RBFOX1: variants seen among roughly 807,000 people sequenced by gnomAD.
RBFOX1 encodes RNA binding fox-1 homolog 1.
RBFOX1 carries 8 observed loss-of-function variants against 57.7 expected under a neutral mutation model. The ratio of observed to expected loss-of-function variants is 0.14; its 90% CI spans 0.08 to 0.25. The LOEUF (loss-of-function observed/expected upper bound fraction) is 0.25, where lower values mean the gene tolerates loss of function less well. Among genes scored for constraint, RBFOX1 ranks in the 10% least tolerant of loss-of-function variants. RBFOX1 has a pLI of 1.00. For synonymous variants in RBFOX1, 326 were observed against 222.4 expected (o/e 1.47, Z -4.15); for missense variants, 611 against 548.5 (o/e 1.11, Z -1.14).
chr16:5,505,920 T>C (rs756779602), intron 2 of RBFOX1, among the ~76,000 whole-genome samples: 1 of 152,124 alleles, frequency 6.6e-6, no homozygotes, highest in Non-Finnish European at 1.5e-5. Flanking sequence ...CTTCCATCCC[T>C]GCTCAAAATC....
intron 2 of RBFOX1, among the ~76,000 whole-genome samples, chr16:6,617,043 G>A (rs1035446646): frequency 2.6e-5 from 4 of 152,068 alleles, no homozygotes. Flanking sequence ...TTGATTACCG[G>A]TATACAGTGT....
intron 3 of RBFOX1, among the ~76,000 whole-genome samples, chr16:6,707,087 C>A (rs2062883127): frequency 6.6e-6 from 1 of 152,194 alleles, no homozygotes; most frequent in South Asian, 2.1e-4. Context: ...TCTTTCCAGA[C>A]TTCCATGCAC....
At chr16:7,183,700 T>C (rs868252194) in intron 4 of RBFOX1, among the ~76,000 whole-genome samples, 6 of 152,156 alleles carry the variant, frequency 3.9e-5, no homozygotes, top group Admixed American at 2.0e-4. Flanking sequence ...TAGGAAGAGT[T>C]GACTCACACT....
At chr16:7,645,362 A>T (rs2063551623) in intron 11 of RBFOX1, among the ~76,000 whole-genome samples, 1 of 152,160 alleles carries the variant, frequency 6.6e-6, no homozygotes, top group African/African-American at 2.4e-5. Flanking sequence ...ATTAATCACT[A>T]ATCACCCACC....
At chr16:6,049,826 G>A (rs759926838) in intron 1 of RBFOX1, among the ~76,000 whole-genome samples, 4 of 151,802 alleles carry the variant, frequency 2.6e-5, no homozygotes, top group Non-Finnish European at 4.4e-5. Context: ...CTTCCCAGTG[G>A]TACACTTCCT....
At chr16:6,857,917 C>T (rs553658491) in intron 3 of RBFOX1, among the ~76,000 whole-genome samples, 20 of 152,268 alleles carry the variant, frequency 1.3e-4, no homozygotes, top group Non-Finnish European at 2.2e-4. Flanking sequence ...GAAGTCATTG[C>T]ATTTACTTTA....
At chr16:6,680,449 G>C (rs907554506) in intron 3 of RBFOX1, among the ~76,000 whole-genome samples, 2 of 151,846 alleles carry the variant, frequency 1.3e-5, no homozygotes, top group Non-Finnish European at 2.9e-5. Context: ...ATTTTTAGTA[G>C]AGACGAGGTT....
chr16:7,091,269 T>C (rs1434333632), intron 4 of RBFOX1, among the ~76,000 whole-genome samples: 2 of 82,314 alleles, frequency 2.4e-5, no homozygotes, highest in African/African-American at 5.2e-5. Context: ...TTAACTTTAC[T>C]TTTTTTTTTT....
At chr16:7,250,276 A>G (rs1029979471) in intron 4 of RBFOX1, among the ~76,000 whole-genome samples, 5 of 152,250 alleles carry the variant, frequency 3.3e-5, no homozygotes, top group African/African-American at 1.2e-4. Context: ...ATAACACTGA[A>G]GAGTAAAACA....
intron 2 of RBFOX1, among the ~76,000 whole-genome samples, chr16:5,482,003 A>G (rs8060703): frequency 0.069 from 10,454 of 152,250 alleles, 720 homozygotes; most frequent in African/African-American, 0.18. Flanking sequence ...TTGAACACAC[A>G]AATTTTGGAG....
intron 4 of RBFOX1, among the ~76,000 whole-genome samples, chr16:7,452,323 C>A (rs2098875009): frequency 6.6e-6 from 1 of 152,132 alleles, no homozygotes; most frequent in African/African-American, 2.4e-5. Context: ...ATGAGTCAGC[C>A]CGCGTTAGCG....
At chr16:6,366,254 G>T (rs1023852299) in intron 2 of RBFOX1, among the ~76,000 whole-genome samples, 4 of 151,938 alleles carry the variant, frequency 2.6e-5, no homozygotes, top group African/African-American at 9.7e-5. Flanking sequence ...TATCTGGAAG[G>T]TATATATCTT....
intron 3 of RBFOX1, among the ~76,000 whole-genome samples, chr16:7,029,077 T>TAC (rs1287582159): frequency 6.7e-5 from 3 of 44,566 alleles, no homozygotes; most frequent in African/African-American, 5.2e-4. Flanking sequence ...TATATATATA[T>TAC]ATATACACAC....
In RBFOX1 at chr16:7,140,815, T is replaced by C. The variant is rs74009244; in HGVS notation, c.27+88717T>C. ...GTTTCCTTGGTATGCTCATAATGGA[T>C]TTCAAAGATCCACACCTCTTGGCGG... On this transcript the variant is annotated intron_variant, in intron 4 of 15. Transcript: ENST00000550418. Among the ~76,000 whole-genome samples the C allele has an allele frequency of 7.9e-3, 1,199 of 152,056 alleles. 18 individuals are homozygous for C. The highest frequency in any genetic ancestry group is 0.027 in the African/African-American group (1,130 of 41,452).
At chr16:5,388,105 G>T (rs969015844) in intron 1 of RBFOX1, among the ~76,000 whole-genome samples, 2 of 152,170 alleles carry the variant, frequency 1.3e-5, no homozygotes, top group Non-Finnish European at 2.9e-5. Flanking sequence ...GGCTCAGGGA[G>T]AACTATGTCA....
intron 1 of RBFOX1, among the ~76,000 whole-genome samples, chr16:5,345,616 T>C (rs2151303882): frequency 6.6e-6 from 1 of 152,284 alleles, no homozygotes; most frequent in Admixed American, 6.5e-5. Context: ...AATTATTGAG[T>C]CTGCATTTGG....
At chr16:7,563,200 A>G (rs1406091272) in intron 5 of RBFOX1, among the ~76,000 whole-genome samples, 1 of 152,204 alleles carries the variant, frequency 6.6e-6, no homozygotes, top group East Asian at 1.9e-4. Context: ...TTAAATGGCA[A>G]TGAAGTATTA....
rs150416412 is a variant in RBFOX1 at position 6,672,029 on chromosome 16, T to C, written c.-16+17379T>C. On this transcript the variant is annotated intron_variant, in intron 3 of 15. Coordinates refer to ENST00000550418, the MANE Select transcript of RBFOX1 (RefSeq NM_018723.4). ...GTTAACTTATGCACTGTACCAAATGTTTCTGACATTATTTGGAATAGGTGA... is the reference window on the plus strand; with the variant it reads ...GTTAACTTATGCACTGTACCAAATGCTTCTGACATTATTTGGAATAGGTGA... 3.7e-3 allele frequency among the ~76,000 whole-genome samples: 565 copies of C among 152,302 alleles called. 5 individuals carry two copies. The highest frequency in any genetic ancestry group is 0.013 in the African/African-American group (546 of 41,570).
At chr16:7,027,273 G>A (rs1324777536) in intron 3 of RBFOX1, among the ~76,000 whole-genome samples, 3 of 152,168 alleles carry the variant, frequency 2.0e-5, no homozygotes, top group Admixed American at 2.0e-4. Context: ...TAGAGAGGAT[G>A]AATAATCTTT....
Sources: allele counts gnomAD v4.1 joint callset (sites outside exome capture counted in the v4.1 genomes callset), GRCh38; gene constraint gnomAD v4.1.1; transcripts MANE v1.5; gene names NCBI Gene and HGNC (gene_info 2026-07-23, HGNC 2026-07-21).